LATS1: variants seen among roughly 807,000 people sequenced by gnomAD.
LATS1 encodes the protein serine/threonine-protein kinase LATS1.
LATS1 carries 25 observed loss-of-function variants against 106.6 expected under a neutral mutation model. That is an observed-to-expected ratio of 0.23 (90% CI 0.17 to 0.33). The LOEUF is 0.33. Among genes scored for constraint, LATS1 ranks in the 10% least tolerant of loss-of-function variants. The pLI, the probability that LATS1 is intolerant of heterozygous loss-of-function variation, is 1.00. For synonymous variants in LATS1, 465 were observed against 455.6 expected (o/e 1.02, Z -0.26); for missense variants, 1,040 against 1,382.6 (o/e 0.75, Z 3.93).
intron 4 of LATS1, among the ~76,000 whole-genome samples, chr6:149,682,468 G>A (rs1782103534): frequency 6.8e-6 from 1 of 148,126 alleles, no homozygotes; most frequent in South Asian, 2.1e-4. Context: ...CTGGAGTGCA[G>A]TGGCGCGATC....
chr6:149,662,966 C>CAAAAA (rs61479102), intron 7 of LATS1, among the ~76,000 whole-genome samples: 2 of 96,250 alleles, frequency 2.1e-5, no homozygotes, highest in Admixed American at 9.9e-5. Context: ...ACACTGTCTC[C>CAAAAA]AAAAAAAAAA....
chr6:149,690,710 A>G (rs1782695926), intron 3 of LATS1, among the ~76,000 whole-genome samples: 2 of 151,730 alleles, frequency 1.3e-5, no homozygotes, highest in East Asian at 3.9e-4. Flanking sequence ...CCAAACCTGG[A>G]TAATTTTTTG....
chr6:149,683,054 A>C (rs1782145246), intron 4 of LATS1, 25 bp downstream of exon 4: 1 of 1,571,526 alleles, frequency 6.4e-7, no homozygotes, highest in Non-Finnish European at 8.7e-7. Context: ...TTAAGTATAA[A>C]AATGGACATT....
intron 3 of LATS1, among the ~76,000 whole-genome samples, chr6:149,688,307 GT>G (rs1341215829): frequency 1.3e-5 from 2 of 151,656 alleles, no homozygotes; most frequent in South Asian, 2.1e-4. Flanking sequence ...TGGGTTTTTT[GT>G]TTGTTTGTTT....
At chr6:149,707,946 A>G (rs989167202) in intron 1 of LATS1, among the ~76,000 whole-genome samples, 2 of 152,126 alleles carry the variant, frequency 1.3e-5, no homozygotes, top group Non-Finnish European at 2.9e-5. Flanking sequence ...CCTGGCATCA[A>G]GCAATCCTAC....
chr6:149,661,007 C>A lies in LATS1; in HGVS notation c.*722G>T. 1 of 204,924 alleles carries A rather than the reference C, an allele frequency of 4.9e-6. No individual in the cohort carries two copies. Among genetic ancestry groups the A allele is most frequent in the Non-Finnish European group, 9.8e-6 (1 of 102,536 alleles). 12.7% of individuals were successfully genotyped at this position (204,924 alleles called of 1,614,324 possible). On this transcript the variant is annotated 3_prime_UTR_variant, in exon 8 of 8. Transcript: ENST00000543571. ...AAATTGGAAGCAGCATCAAAAATAC[C>A]AATATGGAAAAAAAGCTAGTAGTGC...
rs563972890 is a variant in LATS1 at position 149,718,005 on chromosome 6, G to C, written c.-297C>G. On this transcript the variant is annotated 5_prime_UTR_variant, in exon 1 of 8. Coordinates refer to ENST00000543571, the MANE Select transcript of LATS1 (RefSeq NM_004690.4). Reference sequence around the variant, plus strand: ...CGCGGGCCAGCGCGGCCCGTCCCAGGGGTCGTGAGGACCTGGCTCTCCCCT... The same window carrying C: ...CGCGGGCCAGCGCGGCCCGTCCCAGCGGTCGTGAGGACCTGGCTCTCCCCT... 5.5e-6 allele frequency: 2 copies of C among 363,944 alleles called. No individual in the cohort carries two copies. Among genetic ancestry groups the C allele is most frequent in the East Asian group, 3.1e-4 (2 of 6,504 alleles). The allele number at this position is 363,944 out of a possible 1,614,324, so 22.5% of individuals were successfully genotyped here.
chr6:149,658,930 A>G lies in LATS1; in HGVS notation c.*2799T>C, dbSNP rs1473166377. 1.3e-5 allele frequency: 2 copies of G among 152,232 alleles called. No individual in the cohort carries two copies. Among genetic ancestry groups the G allele is most frequent in the Non-Finnish European group, 2.9e-5 (2 of 68,044 alleles). 9.4% of individuals were successfully genotyped at this position (152,232 alleles called of 1,614,324 possible). A position where few individuals can be genotyped will look rare whatever the true frequency, so the allele number is the denominator to read the frequency against. The stretch of plus-strand genomic sequence containing the variant: ...AGTTTTTAATAAGAAAATTATTTTA[A>G]AAGAAAACATATAGAACCAATGTTT... On this transcript the variant is annotated 3_prime_UTR_variant, in exon 8 of 8. Transcript: ENST00000543571.
intron 1 of LATS1, among the ~76,000 whole-genome samples, chr6:149,715,852 A>C (rs1784355819): frequency 6.6e-6 from 1 of 152,204 alleles, no homozygotes; most frequent in Admixed American, 6.5e-5. Flanking sequence ...AATTATTACT[A>C]GGCAAAAAGA....
At chr6:149,690,137 C>A (rs1782647054) in intron 3 of LATS1, among the ~76,000 whole-genome samples, 1 of 151,444 alleles carries the variant, frequency 6.6e-6, no homozygotes, top group African/African-American at 2.4e-5. Context: ...AGAAATTTGA[C>A]AGAATAAACT....
intron 2 of LATS1, chr6:149,697,247 T>C: frequency 1.4e-6 from 1 of 725,950 alleles, no homozygotes. Context: ...GGTAAGAACT[T>C]ATTGCCTACC....
chr6:149,701,890 C>G lies in LATS1; in HGVS notation c.237G>C (p.Gln79His). 1 of 1,614,138 alleles carries G rather than the reference C, an allele frequency of 6.2e-7. No homozygotes were observed. The highest frequency in any genetic ancestry group is 8.5e-7 in the Non-Finnish European group (1 of 1,180,006). ...PKFGTHHKAL[Q>H]EIRNSLLPFA... ...ATGGAAGCAGAGAGTTTCGAATTTC[C>G]TGCAAGGCTTTATGATGCGTCCCAA... Residue 79 changes from glutamine (Q) to histidine (H), a missense_variant, in exon 2 of 8, where the codon CAG becomes CAC. Transcript: ENST00000543571.
chr6:149,697,773 C>T (rs1311695404), intron 2 of LATS1, among the ~76,000 whole-genome samples: 5 of 152,020 alleles, frequency 3.3e-5, no homozygotes, highest in African/African-American at 9.7e-5. Context: ...GACTCGCTGT[C>T]GCCTGGGGTT....
chr6:149,709,126 C>G (rs1378282141), intron 1 of LATS1, among the ~76,000 whole-genome samples: 2 of 152,244 alleles, frequency 1.3e-5, no homozygotes, highest in African/African-American at 4.8e-5. Context: ...CTCCTCCCAG[C>G]CAAGAGCATT....
At chr6:149,676,170 C>A in intron 7 of LATS1, 90 bp downstream of exon 7, 1 of 892,950 alleles carries the variant, frequency 1.1e-6, no homozygotes, top group Non-Finnish European at 1.8e-6. Context: ...TTCTTTAACT[C>A]CAGACTAAAA....
intron 7 of LATS1, among the ~76,000 whole-genome samples, chr6:149,668,167 C>T (rs1315722888): frequency 2.6e-5 from 4 of 152,212 alleles, no homozygotes; most frequent in Non-Finnish European, 4.4e-5. Context: ...GATCCACCTG[C>T]CTTGGCCTCC....
intron 1 of LATS1, among the ~76,000 whole-genome samples, chr6:149,714,174 G>T (rs77589313): frequency 6.6e-6 from 1 of 151,920 alleles, no homozygotes; most frequent in Non-Finnish European, 1.5e-5. Flanking sequence ...GGTTTGCCAC[G>T]TTGGCCAGGT....
intron 3 of LATS1, 105 bp from the exon 4 acceptor site, chr6:149,684,697 T>C (rs1456192216): frequency 1.3e-6 from 1 of 745,920 alleles, no homozygotes; most frequent in African/African-American, 1.8e-5. Context: ...TACTCAATTC[T>C]CTTTCAAGAA....
At position 149,709,030 on chromosome 6, in the gene LATS1, G is replaced by A. The variant is rs143969919; in HGVS notation, c.-140-6764C>T. Among the ~76,000 whole-genome samples, 155 of 152,284 alleles carry A rather than the reference G, an allele frequency of 1.0e-3. 1 individual carries two copies. The South Asian group carries it at 0.02, about 20-fold the overall frequency. On this transcript the variant is annotated intron_variant, in intron 1 of 7. Transcript: ENST00000543571. ...AGACATCAGGTATGCTCTGATTGTA[G>A]GTTGTTGGCATGGGAAACTGGAGGT...
Sources: allele counts gnomAD v4.1 joint callset (sites outside exome capture counted in the v4.1 genomes callset), GRCh38; gene constraint gnomAD v4.1.1; transcripts MANE v1.5; gene names NCBI Gene and HGNC (gene_info 2026-07-23, HGNC 2026-07-21).